Variants in ABCB1 observed in about 807,000 individuals in gnomAD.
ABCB1 encodes ATP binding cassette subfamily B member 1, also known as ATP-dependent translocase ABCB1.
Under a neutral mutation model 142.0 loss-of-function variants are expected in ABCB1, and 69 were observed. The ratio of observed to expected loss-of-function variants is 0.49; its 90% CI spans 0.40 to 0.59. The LOEUF (loss-of-function observed/expected upper bound fraction) is 0.59, where lower values mean the gene tolerates loss of function less well. ABCB1 is among the 20% of genes least tolerant of loss of function. ABCB1 has a pLI of 0.00. For missense variants in ABCB1, 1,326 were observed against 1,554.7 expected, an observed-to-expected ratio of 0.85 and a Z score of 2.47; for synonymous variants, 532 against 539.2, an observed-to-expected ratio of 0.99 and a Z score of 0.18.
In ABCB1 at chr7:87,700,682, T is replaced by C. The variant is rs529102748; in HGVS notation, c.-331+12479A>G. On this transcript the variant is annotated intron_variant, in intron 1 of 28. Transcript: ENST00000265724. ...AGAAGCATAATAAAATACGTCCTGTTCTGTGATGTTTCTACATTTCTTGAA... is the reference window on the plus strand; with the variant it reads ...AGAAGCATAATAAAATACGTCCTGTCCTGTGATGTTTCTACATTTCTTGAA... 215 of 797,340 alleles carry C rather than the reference T, an allele frequency of 2.7e-4. No individual in the cohort carries two copies. The African/African-American group carries it at 3.2e-3, about 12-fold the overall frequency. 49.4% of individuals were successfully genotyped at this position (797,340 alleles called of 1,614,324 possible).
Position 87,550,026 on chromosome 7 carries a change from G to A in ABCB1, c.1379C>T (p.Thr460Ile). ...MVSVDGQDIR[T>I]INVRFLREII... is the part of the protein sequence containing the mutation. ...TTCCCGTAGAAACCTTACATTTATG[G>A]TCCTAATATCCTGTCCATCAACACT... is the stretch of plus-strand genomic sequence containing the variant. Residue 460 changes from threonine to isoleucine, a missense_variant, in exon 13 of 28, where the codon ACC becomes ATC. Transcript: ENST00000622132. 6.2e-7 allele frequency: 1 copy of A among 1,614,176 alleles called. No individual in the cohort carries two copies. The highest frequency in any genetic ancestry group is 8.5e-7 in the Non-Finnish European group (1 of 1,180,044).
intron 1 of ABCB1, among the ~76,000 whole-genome samples, chr7:87,685,871 G>A (rs1827406706): frequency 6.6e-6 from 1 of 152,112 alleles, no homozygotes; most frequent in Non-Finnish European, 1.5e-5. Context: ...AAAATGGGGA[G>A]GATCCCACTT....
upstream of ABCB1, among the ~76,000 whole-genome samples, chr7:87,605,443 A>G (rs1442526145): frequency 6.6e-6 from 1 of 152,088 alleles, no homozygotes; most frequent in Non-Finnish European, 1.5e-5. Flanking sequence ...CTCCTCTATC[A>G]ACTTCTAAGA....
At chr7:87,703,897 T>TGG (rs1829333410) in intron 1 of ABCB1, among the ~76,000 whole-genome samples, 2 of 112,644 alleles carry the variant, frequency 1.8e-5, no homozygotes, top group Non-Finnish European at 3.8e-5. Flanking sequence ...TTTTTTTTTT[T>TGG]TTTTTTTTTT....
At chr7:87,530,857 G>GAAAA (rs1472320675) in intron 21 of ABCB1, among the ~76,000 whole-genome samples, 2 of 111,728 alleles carry the variant, frequency 1.8e-5, no homozygotes, top group Non-Finnish European at 3.7e-5. Context: ...AAGAAAGAAA[G>GAAAA]AAAGAAAGAA....
chr7:87,532,279 T>C (rs913023101), intron 20 of ABCB1, among the ~76,000 whole-genome samples: 1 of 152,130 alleles, frequency 6.6e-6, no homozygotes, highest in African/African-American at 2.4e-5. Flanking sequence ...GCCCCAGACC[T>C]GCCTTTTCTG....
At chr7:87,515,190 G>T (rs1393918433) in intron 25 of ABCB1, 41 bp downstream of exon 25, 2 of 1,607,244 alleles carry the variant, frequency 1.2e-6, no homozygotes, top group East Asian at 2.2e-5. Context: ...ACATTTGGAT[G>T]ATGAAAACCT....
chr7:87,687,779 T>A (rs147646766), intron 1 of ABCB1, among the ~76,000 whole-genome samples: 1 of 152,296 alleles, frequency 6.6e-6, no homozygotes, highest in African/African-American at 2.4e-5. Context: ...TAAGCATTGC[T>A]CAGGAACTCT....
At chr7:87,571,941 A>G (rs964722565) in intron 4 of ABCB1, among the ~76,000 whole-genome samples, 9 of 152,242 alleles carry the variant, frequency 5.9e-5, no homozygotes, top group African/African-American at 1.2e-4. Context: ...GGTAAGACAG[A>G]AGGTAAGGAA....
intron 14 of ABCB1, among the ~76,000 whole-genome samples, chr7:87,546,421 T>C (rs1584867247): frequency 6.6e-6 from 1 of 151,988 alleles, no homozygotes; most frequent in African/African-American, 2.4e-5. Flanking sequence ...ACCCCATCTC[T>C]ACTAAAAATA....
At chr7:87,697,886 T>C (rs556072810) in intron 1 of ABCB1, among the ~76,000 whole-genome samples, 2 of 152,236 alleles carry the variant, frequency 1.3e-5, no homozygotes, top group South Asian at 4.1e-4. Flanking sequence ...TCAAAGCCCA[T>C]GTTCTTAACC....
intron 25 of ABCB1, 39 bp downstream of exon 25, chr7:87,515,192 T>C: frequency 2.5e-6 from 4 of 1,609,938 alleles, no homozygotes; most frequent in Non-Finnish European, 3.4e-6. Context: ...ATTTGGATGA[T>C]GAAAACCTGA....
At chr7:87,564,079 T>C (rs1199976375) in intron 7 of ABCB1, 1 of 431,158 alleles carries the variant, frequency 2.3e-6, no homozygotes, top group Non-Finnish European at 4.6e-6. Context: ...GCTTAATACT[T>C]GGGTAATGAA....
intron 26 of ABCB1, among the ~76,000 whole-genome samples, chr7:87,506,658 A>G (rs1814764655): frequency 6.6e-6 from 1 of 152,180 alleles, no homozygotes; most frequent in South Asian, 2.1e-4. Context: ...GTTTCCCACA[A>G]TGGATAATTG....
chr7:87,527,222 A>T (rs1335585777), intron 21 of ABCB1, among the ~76,000 whole-genome samples: 3 of 152,078 alleles, frequency 2.0e-5, no homozygotes, highest in Non-Finnish European at 4.4e-5. Flanking sequence ...CCTTAATCTT[A>T]CTTTTAATTT....
chr7:87,521,915 C>A, intron 21 of ABCB1: 1 of 777,566 alleles, frequency 1.3e-6, no homozygotes. Context: ...GCTTTAGTAA[C>A]TTTTGACGAC....
At chr7:87,637,612 A>G (rs958245028) in intron 1 of ABCB1, among the ~76,000 whole-genome samples, 2 of 152,078 alleles carry the variant, frequency 1.3e-5, no homozygotes, top group African/African-American at 4.8e-5. Context: ...GTAGTTTTGC[A>G]TATATAGATA....
intron 26 of ABCB1, 30 bp downstream of exon 26, chr7:87,509,245 C>A: frequency 6.2e-7 from 1 of 1,611,788 alleles, no homozygotes; most frequent in South Asian, 1.1e-5. Flanking sequence ...GCCACATGCT[C>A]CCAGGCTGTT....
chr7:87,582,037 G>T (rs895536324), intron 4 of ABCB1, among the ~76,000 whole-genome samples: 5 of 152,104 alleles, frequency 3.3e-5, no homozygotes, highest in Non-Finnish European at 5.9e-5. Context: ...CAGACTTGAG[G>T]GTATCTGGCA....
Sources: allele counts gnomAD v4.1 joint callset (sites outside exome capture counted in the v4.1 genomes callset), GRCh38; gene constraint gnomAD v4.1.1; transcripts MANE v1.5; gene names NCBI Gene and HGNC (gene_info 2026-07-23, HGNC 2026-07-21).